Variants in ELOVL7 observed in about 807,000 individuals in gnomAD.
ELOVL7 encodes the protein ELOVL fatty acid elongase 7.
ELOVL7 carries 27 observed loss-of-function variants against 35.7 expected under a neutral mutation model. The ratio of observed to expected loss-of-function variants is 0.76; its 90% CI spans 0.56 to 1.04. ELOVL7 has a LOEUF of 1.04. Among genes scored for constraint, ELOVL7 ranks in the 50% least tolerant of loss-of-function variants. The probability of loss-of-function intolerance (pLI) is 0.00; values close to 1 mark genes in which losing one functional copy is unlikely to be tolerated. For missense variants in ELOVL7, 327 were observed against 340.8 expected, an observed-to-expected ratio of 0.96 and a Z score of 0.32; for synonymous variants, 113 against 114.6, an observed-to-expected ratio of 0.99 and a Z score of 0.09.
intron 1 of ELOVL7, among the ~76,000 whole-genome samples, chr5:60,816,967 C>A (rs1370812950): frequency 2.0e-5 from 3 of 151,896 alleles, no homozygotes; most frequent in Non-Finnish European, 4.4e-5. Flanking sequence ...CAACTTTTTG[C>A]GAATCTATAA....
chr5:60,783,532 A>G (rs1031209477), intron 3 of ELOVL7, among the ~76,000 whole-genome samples: 1 of 152,172 alleles, frequency 6.6e-6, no homozygotes, highest in African/African-American at 2.4e-5. Flanking sequence ...GGTGACAGTT[A>G]AAGTTAATTC....
intron 1 of ELOVL7, among the ~76,000 whole-genome samples, chr5:60,808,265 G>A (rs1343635411): frequency 2.0e-5 from 3 of 151,390 alleles, no homozygotes; most frequent in Admixed American, 6.6e-5. Context: ...TAAAGTACAC[G>A]ATTCAACAAA....
chr5:60,797,887 T>C (rs377657348), intron 2 of ELOVL7, among the ~76,000 whole-genome samples: 4 of 152,330 alleles, frequency 2.6e-5, no homozygotes, highest in East Asian at 3.9e-4. Context: ...AAAGTTATCC[T>C]CTGCTCACTG....
At chr5:60,802,419 T>A (rs150241769) in intron 1 of ELOVL7, among the ~76,000 whole-genome samples, 1 of 152,000 alleles carries the variant, frequency 6.6e-6, no homozygotes, top group Non-Finnish European at 1.5e-5. Flanking sequence ...CATGACAACA[T>A]GAGCAACAGG....
chr5:60,757,641 A>C lies in ELOVL7; in HGVS notation c.504T>G (p.Gly168=), dbSNP rs2112122366. 6.5e-7 allele frequency: 1 copy of C among 1,542,942 alleles called. No homozygotes were observed. Among genetic ancestry groups the C allele is most frequent in the Middle Eastern group, 1.7e-4 (1 of 5,776 alleles). ...TTAGAAGGGCATGGAATGTTCCCAA[A>C]CCACCTGGAAAATAAAATTATTGTA... ...WWFGVKFAAG[G]LGTFHALLNT... The change falls in exon 8 of 9, where the codon GGT becomes GGG. Residue 168 remains glycine (G), a synonymous_variant. Coordinates refer to ENST00000508821, the MANE Select transcript of ELOVL7 (RefSeq NM_024930.3).
Position 60,839,620 on chromosome 5 carries a change from C to T in ELOVL7, c.-86+4540G>A, listed in dbSNP as rs139893348. 7.2e-5 allele frequency among the ~76,000 whole-genome samples: 11 copies of T among 152,286 alleles called. No homozygotes were observed. In the East Asian group the frequency reaches 2.1e-3, roughly 29 times the overall value. On this transcript the variant is annotated intron_variant, in intron 1 of 8. Transcript: ENST00000508821. ...TTATGGCATGCTTCTTTCCATGCTA[C>T]GTGATGTATCTTCTTGAAATTCTGG...
intron 1 of ELOVL7, among the ~76,000 whole-genome samples, chr5:60,811,846 T>C (rs1220221201): frequency 6.6e-6 from 1 of 152,204 alleles, no homozygotes; most frequent in Non-Finnish European, 1.5e-5. Context: ...TCTTTAGTAT[T>C]CTCTTATAGC....
chr5:60,814,679 C>T (rs774152951), intron 1 of ELOVL7, among the ~76,000 whole-genome samples: 1 of 152,178 alleles, frequency 6.6e-6, no homozygotes, highest in Non-Finnish European at 1.5e-5. Flanking sequence ...AGTTAAGGAA[C>T]TTGCCCCAGA....
At chr5:60,770,259 C>T (rs1454891183) in intron 4 of ELOVL7, among the ~76,000 whole-genome samples, 1 of 152,078 alleles carries the variant, frequency 6.6e-6, no homozygotes, top group Admixed American at 6.6e-5. Flanking sequence ...TGGATTCTTT[C>T]CAAGCCTGAG....
At chr5:60,816,810 GA>G (rs1317421496) in intron 1 of ELOVL7, among the ~76,000 whole-genome samples, 1 of 151,494 alleles carries the variant, frequency 6.6e-6, no homozygotes, top group Non-Finnish European at 1.5e-5. Context: ...TAGCCAACTG[GA>G]AAAAAAATTA....
chr5:60,815,535 C>CAATAAAATTTATTTATTTTATAAATA (rs145227347), intron 1 of ELOVL7, among the ~76,000 whole-genome samples: 421 of 150,438 alleles, frequency 2.8e-3, no homozygotes, highest in African/African-American at 9.3e-3. Flanking sequence ...CAAATACACG[C>CAATAAAATTTATTTATTTTATAAATA]AATAAAATTT....
intron 1 of ELOVL7, chr5:60,843,519 A>G (rs1456099344): frequency 6.6e-6 from 1 of 152,508 alleles, no homozygotes; most frequent in Non-Finnish European, 1.5e-5. Context: ...AGCAGCAGCC[A>G]CCAAGACAGG....
intron 4 of ELOVL7, among the ~76,000 whole-genome samples, chr5:60,771,379 G>C (rs1412718016): frequency 6.6e-6 from 1 of 152,060 alleles, no homozygotes; most frequent in Non-Finnish European, 1.5e-5. Context: ...TAAGGAACAG[G>C]CTCCCTCACC....
intron 7 of ELOVL7, among the ~76,000 whole-genome samples, chr5:60,759,717 C>A (rs1741769176): frequency 6.6e-6 from 1 of 151,388 alleles, no homozygotes; most frequent in Non-Finnish European, 1.5e-5. Flanking sequence ...ATACATGTGC[C>A]ACGCTGGTGT....
At chr5:60,834,695 C>G (rs1476262292) in intron 1 of ELOVL7, among the ~76,000 whole-genome samples, 1 of 151,924 alleles carries the variant, frequency 6.6e-6, no homozygotes, top group African/African-American at 2.4e-5. Flanking sequence ...GTATGGAATG[C>G]TAAGTGAAGG....
Position 60,764,288 on chromosome 5 carries a change from A to C in ELOVL7, c.438T>G (p.Leu146=). Residue 146 remains leucine (L), a synonymous_variant, in exon 7 of 9, where the codon CTT becomes CTG. Transcript: ENST00000508821. ...LRKKNSQVTF[L]HVFHHTIMPW... is the part of the protein sequence containing the mutation. ...GCATGATGGTATGATGGAATACATG[A>C]AGGAAAGTCACTTGGCTATTTTTCT... 6.2e-7 allele frequency: 1 copy of C among 1,613,834 alleles called. No homozygotes were observed. The highest frequency in any genetic ancestry group is 8.5e-7 in the Non-Finnish European group (1 of 1,179,802).
At chr5:60,768,238 C>T (rs1307670591) in intron 4 of ELOVL7, among the ~76,000 whole-genome samples, 1 of 152,126 alleles carries the variant, frequency 6.6e-6, no homozygotes, top group East Asian at 1.9e-4. Context: ...ATCTTAGGTT[C>T]ATCTATGTAT....
At chr5:60,766,004 G>A (rs1299339669) in intron 6 of ELOVL7, among the ~76,000 whole-genome samples, 1 of 152,104 alleles carries the variant, frequency 6.6e-6, no homozygotes, top group Admixed American at 6.5e-5. Flanking sequence ...CTTCTCCCAA[G>A]ACCCGGTCAT....
chr5:60,837,090 G>A (rs1384399609), intron 1 of ELOVL7, among the ~76,000 whole-genome samples: 4 of 151,584 alleles, frequency 2.6e-5, no homozygotes, highest in Admixed American at 2.0e-4. Flanking sequence ...TGCATATGAT[G>A]AGCCAGACTT....
Sources: gnomAD v4.1 joint callset for allele counts (sites outside exome capture counted in the v4.1 genomes callset) on GRCh38, gnomAD v4.1.1 for gene constraint, MANE v1.5 for transcripts, NCBI Gene and HGNC (gene_info 2026-07-23, HGNC 2026-07-21) for gene names.